The following NEMP2 variants were observed in gnomAD, a reference collection of about 807,000 sequenced individuals.
NEMP2 encodes the protein nuclear envelope integral membrane protein 2.
In NEMP2, 53 loss-of-function variants were observed where a neutral mutation model predicts 54.2. That is an observed-to-expected ratio of 0.98 (90% CI 0.78 to 1.23). The LOEUF (loss-of-function observed/expected upper bound fraction) is 1.23. NEMP2 is among the 50% of genes most tolerant of loss of function. The pLI is 0.00. For missense variants in NEMP2, 455 were observed against 511.3 expected (o/e 0.89, Z 1.06); for synonymous variants, 197 against 190.3 (o/e 1.04, Z -0.29).
At chr2:190,437,519 AT>A in the NEMP2 span, 2 of 1,613,986 alleles carry the variant, frequency 1.2e-6, no homozygotes, top group Non-Finnish European at 1.7e-6. This position sits in a 1 kb window ranked among gnomAD's most constrained non-coding sequence, Gnocchi z 5.9. Context: ...CTGACAGCAT[AT>A]TTTTTTAGTC....
chr2:190,464,794 AAGTAG>A, the NEMP2 span: 1 of 452,454 alleles, frequency 2.2e-6, no homozygotes, highest in Non-Finnish European at 2.9e-6. Context: ...CTTGAAGACC[AAGTAG>A]ATTTCCTCTT....
the NEMP2 span, among the ~76,000 whole-genome samples, chr2:190,546,296 A>G: frequency 8.5e-5 from 13 of 152,294 alleles, no homozygotes; most frequent in African/African-American, 3.1e-4. The surrounding 1 kb of genome is among the most constrained non-coding windows in gnomAD (Gnocchi z 5.1). Context: ...GTCCCTAAAC[A>G]ATACAGTATA....
chr2:190,441,824 ATTC>A, the NEMP2 span, among the ~76,000 whole-genome samples: 3 of 152,048 alleles, frequency 2.0e-5, no homozygotes, highest in South Asian at 4.2e-4. Flanking sequence ...TCCTCTCTTT[ATTC>A]TTCTGCCCAA....
At chr2:190,430,019 C>G in the NEMP2 span, among the ~76,000 whole-genome samples, 1 of 150,536 alleles carries the variant, frequency 6.6e-6, no homozygotes, top group African/African-American at 2.5e-5. Flanking sequence ...CCAACAGGCC[C>G]CAGTGTGTGA....
the NEMP2 span, among the ~76,000 whole-genome samples, chr2:190,427,386 T>C: frequency 6.6e-6 from 1 of 152,230 alleles, no homozygotes; most frequent in African/African-American, 2.4e-5. Flanking sequence ...GTTATGATCA[T>C]TTTTTCTGTG....
At chr2:190,559,857 C>T in the NEMP2 span, among the ~76,000 whole-genome samples, 18 of 152,208 alleles carry the variant, frequency 1.2e-4, no homozygotes, top group Admixed American at 3.3e-4. The surrounding 1 kb of genome is among the most constrained non-coding windows in gnomAD (Gnocchi z 4.0). Flanking sequence ...AGCTGGCACC[C>T]GGGAAATCTG....
chr2:190,432,842 T>A, the NEMP2 span, among the ~76,000 whole-genome samples: 57,814 of 125,460 alleles, frequency 0.46, 11,973 homozygotes, highest in Admixed American at 0.63. Context: ...ACACACACAC[T>A]CTCTCTCTCT....
chr2:190,428,082 T>A, the NEMP2 span, among the ~76,000 whole-genome samples: 2 of 152,236 alleles, frequency 1.3e-5, no homozygotes, highest in Non-Finnish European at 2.9e-5. Context: ...TTATTATTTT[T>A]CCATAAGTGG....
downstream of NEMP2, chr2:190,499,994 T>C: frequency 6.2e-7 from 1 of 1,612,590 alleles, no homozygotes; most frequent in Non-Finnish European, 8.5e-7. The surrounding 1 kb of genome is among the most constrained non-coding windows in gnomAD (Gnocchi z 6.0). Flanking sequence ...TCATGGGGCA[T>C]CTCCTGTTTT....
the NEMP2 span, among the ~76,000 whole-genome samples, chr2:190,587,120 T>C: frequency 6.6e-6 from 1 of 152,196 alleles, no homozygotes; most frequent in Non-Finnish European, 1.5e-5. The surrounding 1 kb of genome is among the most constrained non-coding windows in gnomAD (Gnocchi z 5.4). Flanking sequence ...TCTGTCCTGA[T>C]CGAGACACTT....
chr2:190,573,521 A>G, the NEMP2 span, among the ~76,000 whole-genome samples: 1 of 152,074 alleles, frequency 6.6e-6, no homozygotes, highest in African/African-American at 2.4e-5. Flanking sequence ...CTTCCTTTTA[A>G]TAGACTGGAA....
the NEMP2 span, among the ~76,000 whole-genome samples, chr2:190,584,963 G>GAAAGAA: frequency 4.3e-4 from 61 of 142,074 alleles, no homozygotes; most frequent in African/African-American, 1.5e-3. The surrounding 1 kb of genome is among the most constrained non-coding windows in gnomAD (Gnocchi z 4.2). Flanking sequence ...AAGAAAGAAA[G>GAAAGAA]AGACATAATG....
chr2:190,574,585 C>CA, the NEMP2 span, among the ~76,000 whole-genome samples: 1 of 151,592 alleles, frequency 6.6e-6, no homozygotes, highest in Admixed American at 6.6e-5. Context: ...TTCATCATCT[C>CA]AAAAAAAAGC....
At chr2:190,550,398 C>T in the NEMP2 span, among the ~76,000 whole-genome samples, 1 of 152,130 alleles carries the variant, frequency 6.6e-6, no homozygotes, top group Non-Finnish European at 1.5e-5. The surrounding 1 kb of genome is among the most constrained non-coding windows in gnomAD (Gnocchi z 4.7). Flanking sequence ...GCTCTCACAA[C>T]CTAATCCCCC....
At chr2:190,647,238 T>C in the NEMP2 span, among the ~76,000 whole-genome samples, 44 of 152,332 alleles carry the variant, frequency 2.9e-4, no homozygotes, top group African/African-American at 1.0e-3. Flanking sequence ...CTGTCACTAA[T>C]ACTGAAGAAA....
chr2:190,630,980 TAGTG>T, the NEMP2 span, among the ~76,000 whole-genome samples: 330 of 150,990 alleles, frequency 2.2e-3, 3 homozygotes, highest in African/African-American at 7.4e-3. This position sits in a 1 kb window ranked among gnomAD's most constrained non-coding sequence, Gnocchi z 5.5. Context: ...CTGGCCAACA[TAGTG>T]AGACCCTGTT....
chr2:190,647,670 AT>A, the NEMP2 span, among the ~76,000 whole-genome samples: 2 of 146,348 alleles, frequency 1.4e-5, no homozygotes, highest in African/African-American at 2.5e-5. Flanking sequence ...GACTTCCAAA[AT>A]TTTTTTGGCA....
At chr2:190,433,490 T>G in the NEMP2 span, 20 of 152,224 alleles carry the variant, frequency 1.3e-4, no homozygotes, top group Admixed American at 1.3e-3. This position sits in a 1 kb window ranked among gnomAD's most constrained non-coding sequence, Gnocchi z 4.5. Flanking sequence ...TGTTTTTCTT[T>G]CACTATTAAG....
At chr2:190,492,571 A>G in the NEMP2 span, among the ~76,000 whole-genome samples, 2 of 152,228 alleles carry the variant, frequency 1.3e-5, no homozygotes, top group East Asian at 3.8e-4. The surrounding 1 kb of genome is among the most constrained non-coding windows in gnomAD (Gnocchi z 5.2). Context: ...AGCAAAATCA[A>G]TATGGAAATT....
Sources: gnomAD v4.1 joint callset for allele counts (sites outside exome capture counted in the v4.1 genomes callset) on GRCh38, gnomAD v4.1.1 for gene constraint, Gnocchi (gnomAD v3.1) non-coding constraint, MANE v1.5 for transcripts, NCBI Gene and HGNC (gene_info 2026-07-23, HGNC 2026-07-21) for gene names.